The following DTNB variants were observed in gnomAD, a reference collection of about 807,000 sequenced individuals.
DTNB encodes dystrobrevin beta.
DTNB carries 63 observed loss-of-function variants against 90.7 expected under a neutral mutation model. The ratio of observed to expected loss-of-function variants is 0.69; its 90% CI spans 0.57 to 0.86. DTNB has a LOEUF of 0.86. DTNB is among the 40% of genes least tolerant of loss of function. The pLI is 0.00. For missense variants in DTNB, 744 were observed against 807.1 expected, an observed-to-expected ratio of 0.92 and a Z score of 0.95; for synonymous variants, 277 against 286.7, an observed-to-expected ratio of 0.97 and a Z score of 0.34.
chr2:25,377,479 T>C lies in DTNB; in HGVS notation c.*104A>G, dbSNP rs2036124047. The C allele has an allele frequency of 6.5e-6, 1 of 152,710 alleles. No individual in the cohort carries two copies. 9.5% of individuals were successfully genotyped at this position (152,710 alleles called of 1,614,324 possible). On this transcript the variant is annotated 3_prime_UTR_variant, in exon 21 of 21. Transcript: ENST00000406818. ...CTGGTCCAGGTGTGCGGTGGAAAGA[T>C]GGAGAGGAATGTGCCTCTGGGGGAA...
chr2:25,415,550 G>T (rs1230661569), intron 16 of DTNB, among the ~76,000 whole-genome samples: 1 of 152,144 alleles, frequency 6.6e-6, no homozygotes, highest in Non-Finnish European at 1.5e-5. Context: ...GGGAATCTTG[G>T]ATAGCTTCAG....
At position 25,656,939 on chromosome 2, in the gene DTNB, C is replaced by T. The variant is rs142374965; in HGVS notation, c.-1-4278G>A. 5.1e-3 allele frequency among the ~76,000 whole-genome samples: 776 copies of T among 152,222 alleles called. 5 individuals are homozygous for T. The highest frequency in any genetic ancestry group is 0.018 in the African/African-American group (731 of 41,562). ...CTGTAATCCCAGCACGTTGGGAGGC[C>T]GAGGCAGGCAGATCACTTGAGGTCA... On this transcript the variant is annotated intron_variant, in intron 1 of 20. Transcript: ENST00000406818.
intron 5 of DTNB, among the ~76,000 whole-genome samples, chr2:25,601,366 G>A (rs1421906213): frequency 6.6e-6 from 1 of 152,016 alleles, no homozygotes; most frequent in Non-Finnish European, 1.5e-5. Context: ...GTTATTTCCA[G>A]CTAAAAAGGA....
At chr2:25,412,195 C>A (rs2046784897) in intron 16 of DTNB, among the ~76,000 whole-genome samples, 1 of 152,152 alleles carries the variant, frequency 6.6e-6, no homozygotes, top group Admixed American at 6.5e-5. Context: ...AGTGCCCTTC[C>A]TTTGAGGTAT....
chr2:25,434,342 T>C (rs2054964689), intron 12 of DTNB, among the ~76,000 whole-genome samples: 1 of 151,782 alleles, frequency 6.6e-6, no homozygotes, highest in Non-Finnish European at 1.5e-5. Context: ...CTTTGGTTTC[T>C]GGCTTCCACT....
At chr2:25,518,523 T>C (rs2075563142) in intron 9 of DTNB, among the ~76,000 whole-genome samples, 1 of 152,022 alleles carries the variant, frequency 6.6e-6, no homozygotes, top group Admixed American at 6.6e-5. Context: ...GTACCACACA[T>C]ATATATGCAC....
intron 6 of DTNB, among the ~76,000 whole-genome samples, chr2:25,590,505 C>G (rs528800923): frequency 3.6e-4 from 55 of 152,170 alleles, no homozygotes; most frequent in Admixed American, 4.6e-4. Flanking sequence ...TAGCTTCTCT[C>G]TGCAGCTGAT....
At chr2:25,655,285 T>C (rs923751717) in intron 1 of DTNB, among the ~76,000 whole-genome samples, 4 of 152,202 alleles carry the variant, frequency 2.6e-5, no homozygotes, top group Non-Finnish European at 5.9e-5. Flanking sequence ...CTAAAAACTA[T>C]GCAGAGGTCT....
Position 25,526,508 on chromosome 2 carries a change from G to C in DTNB, c.1001+4965C>G, listed in dbSNP as rs994430411. On this transcript the variant is annotated intron_variant, in intron 9 of 20. Coordinates refer to ENST00000406818, the MANE Select transcript of DTNB (RefSeq NM_021907.5). ...CCTCTCAAGTTCAAGTGAGTCTTCT[G>C]CCTCAGCCTCCCGAGTAGCCGGGAT... 3.3e-5 allele frequency among the ~76,000 whole-genome samples: 5 copies of C among 150,626 alleles called. No homozygotes were observed. The East Asian group carries it at 5.9e-4, about 18-fold the overall frequency.
chr2:25,423,802 G>A (rs1231242110), intron 15 of DTNB, among the ~76,000 whole-genome samples: 3 of 152,024 alleles, frequency 2.0e-5, no homozygotes, highest in African/African-American at 7.2e-5. Context: ...TGGGATTACA[G>A]GCGCGCACCA....
intron 3 of DTNB, among the ~76,000 whole-genome samples, chr2:25,633,116 T>C (rs1371587072): frequency 6.6e-6 from 1 of 152,250 alleles, no homozygotes; most frequent in Non-Finnish European, 1.5e-5. Flanking sequence ...AAGATCACTG[T>C]ATTTCTGTAC....
intron 12 of DTNB, among the ~76,000 whole-genome samples, chr2:25,434,625 T>C (rs957713517): frequency 6.6e-6 from 1 of 152,102 alleles, no homozygotes; most frequent in African/African-American, 2.4e-5. Context: ...TTGGTTATTA[T>C]CTATTGTTTC....
At chr2:25,389,757 C>T (rs545685501) in intron 16 of DTNB, among the ~76,000 whole-genome samples, 22 of 152,184 alleles carry the variant, frequency 1.4e-4, no homozygotes, top group South Asian at 8.3e-4. Context: ...ACAGGCTGGA[C>T]GCACGACACC....
intron 14 of DTNB, 59 bp from the exon 15 acceptor site, chr2:25,427,690 G>A: frequency 6.5e-7 from 1 of 1,547,682 alleles, no homozygotes; most frequent in Non-Finnish European, 8.8e-7. Flanking sequence ...TCTAAGGCCA[G>A]GTGAAATGGA....
chr2:25,416,837 G>GAAGGAAGC (rs2048102298), intron 16 of DTNB, among the ~76,000 whole-genome samples: 1 of 151,448 alleles, frequency 6.6e-6, no homozygotes, highest in Admixed American at 6.6e-5. Flanking sequence ...AGGAAGGAAG[G>GAAGGAAGC]AAGGAAGGAA....
intron 6 of DTNB, among the ~76,000 whole-genome samples, chr2:25,595,732 G>C (rs1304685339): frequency 6.6e-6 from 1 of 152,170 alleles, no homozygotes; most frequent in Non-Finnish European, 1.5e-5. Flanking sequence ...AAACAATGCA[G>C]TATTGTTACA....
chr2:25,445,556 T>C (rs1436879523), intron 12 of DTNB, among the ~76,000 whole-genome samples: 1 of 152,228 alleles, frequency 6.6e-6, no homozygotes, highest in Admixed American at 6.5e-5. Flanking sequence ...ATTTCCAAAA[T>C]GGACGTACTG....
At chr2:25,442,289 G>A (rs2057586667) in intron 12 of DTNB, among the ~76,000 whole-genome samples, 1 of 152,120 alleles carries the variant, frequency 6.6e-6, no homozygotes, top group African/African-American at 2.4e-5. Flanking sequence ...TTCAACTAAG[G>A]GTCACATCTA....
chr2:25,659,381 AT>A (rs2082699618), intron 1 of DTNB, among the ~76,000 whole-genome samples: 1 of 152,244 alleles, frequency 6.6e-6, no homozygotes, highest in Non-Finnish European at 1.5e-5. Context: ...AAGAATTAAA[AT>A]CATACAGAGT....
Sources: allele counts gnomAD v4.1 joint callset (sites outside exome capture counted in the v4.1 genomes callset), GRCh38; gene constraint gnomAD v4.1.1; transcripts MANE v1.5; gene names NCBI Gene and HGNC (gene_info 2026-07-23, HGNC 2026-07-21).